Variants in DMTN observed in about 807,000 individuals in gnomAD.
The protein encoded by DMTN is dematin.
In DMTN, 27 loss-of-function variants were observed where a neutral mutation model predicts 59.4. The ratio of observed to expected loss-of-function variants is 0.45; its 90% CI spans 0.33 to 0.63. The LOEUF (loss-of-function observed/expected upper bound fraction) is 0.63, where lower values mean the gene tolerates loss of function less well. DMTN is among the 20% of genes least tolerant of loss of function. DMTN has a pLI of 0.02. For synonymous variants in DMTN, 221 were observed against 203.7 expected, an observed-to-expected ratio of 1.08 and a Z score of -0.72; for missense variants, 451 against 528.9, an observed-to-expected ratio of 0.85 and a Z score of 1.45.
At chr8:22,059,708 C>T (rs748674327) in intron 1 of DMTN, among the ~76,000 whole-genome samples, 17 of 152,138 alleles carry the variant, frequency 1.1e-4, no homozygotes, top group East Asian at 5.8e-4. Flanking sequence ...GGTTTAGAGA[C>T]GATGTATGAA....
rs201457271 is a variant in DMTN, at chr8:22,075,186, CAAAAA to C, written c.835+1361_835+1365del. 4.2e-4 allele frequency among the ~76,000 whole-genome samples: 55 copies of C among 131,320 alleles called. No homozygotes were observed. In the East Asian group the frequency reaches 0.012, roughly 28 times the overall value. The allele number at this position is 131,320 out of a possible 152,430, so 86.2% of individuals were successfully genotyped here. ...TAGGGAACAGCGTGAGACTCTGTCT[CAAAAA>C]AAAAAAAAAGAAAAAAGCCTAAGAG... is the stretch of plus-strand genomic sequence containing the variant. On this transcript the variant is annotated intron_variant, in intron 10 of 15. Transcript: ENST00000358242.
chr8:22,067,242 G>T (rs1431611044), intron 3 of DMTN, 83 bp downstream of exon 3: 3 of 1,449,254 alleles, frequency 2.1e-6, no homozygotes, highest in Non-Finnish European at 2.8e-6. Flanking sequence ...GTGCCTTCCC[G>T]CAGAGCCTCC....
chr8:22,081,308 C>A (rs1217423535), intron 15 of DMTN, 42 bp from the exon 16 acceptor site: 1 of 1,600,942 alleles, frequency 6.2e-7, no homozygotes, highest in Non-Finnish European at 8.6e-7. Flanking sequence ...GGGCACAGCC[C>A]CCTCCCCCTC....
At chr8:22,055,765 C>T (rs12550817), upstream of DMTN, among the ~76,000 whole-genome samples, 4 of 151,968 alleles carry the variant, frequency 2.6e-5, no homozygotes, top group Non-Finnish European at 5.9e-5. Flanking sequence ...TTACTGTCCT[C>T]TCTGTCCCCA....
Position 22,081,351 on chromosome 8 carries a change from G to C in DMTN, c.1106G>C (p.Arg369Thr). 1 of 1,613,948 alleles carries C rather than the reference G, an allele frequency of 6.2e-7. No homozygotes were observed. Among genetic ancestry groups the C allele is most frequent in the South Asian group, 1.1e-5 (1 of 91,086 alleles). The change falls in exon 16 of 16, where the codon AGG (arginine) becomes ACG (threonine). Residue 369 changes from arginine to threonine, a missense_variant and splice_region_variant. Coordinates refer to ENST00000358242, the MANE Select transcript of DMTN (RefSeq NM_001387751.1). ...PPGVDRMRLERHLSAEDFSRV... is the reference protein window; with the variant it reads ...PPGVDRMRLETHLSAEDFSRV... ...AGCTGCCCCGATTCCCCCATGTAGA[G>C]GCATCTGTCTGCCGAGGACTTCTCA... is the stretch of plus-strand genomic sequence containing the variant.
chr8:22,063,255 G>A (rs1807973921), intron 1 of DMTN, among the ~76,000 whole-genome samples: 1 of 152,072 alleles, frequency 6.6e-6, no homozygotes, highest in South Asian at 2.1e-4. Flanking sequence ...TGCCTCTAGG[G>A]TTTCTCCCAT....
rs1823563369 is a variant in DMTN, at chr8:22,080,611, C to T, written c.950-7C>T. On this transcript the variant is annotated splice_region_variant and splice_polypyrimidine_tract_variant and intron_variant, in intron 12 of 15. Transcript: ENST00000358242. ...TGCATCTGACCCATGCCCCTTCTCT[C>T]CCGCAGGCCTGCAGGTGAGTGCCTC... 1 of 1,608,610 alleles carries T rather than the reference C, an allele frequency of 6.2e-7. No homozygotes were observed. Among genetic ancestry groups the T allele is most frequent in the Non-Finnish European group, 8.5e-7 (1 of 1,177,426 alleles).
intron 14 of DMTN, 70 bp from the exon 15 acceptor site, chr8:22,081,043 G>T: frequency 6.5e-7 from 1 of 1,537,460 alleles, no homozygotes. Flanking sequence ...GCAGGTTGAT[G>T]TGGGAGGCCT....
intron 10 of DMTN, 26 bp from the exon 11 acceptor site, chr8:22,080,154 A>C (rs1234728530): frequency 6.2e-7 from 1 of 1,613,738 alleles, no homozygotes; most frequent in East Asian, 2.2e-5. Flanking sequence ...AAGGGACTGA[A>C]CTCAGGACCT....
chr8:22,080,570 C>T lies in DMTN; in HGVS notation c.950-48C>T, dbSNP rs554614705. The T allele has an allele frequency of 8.1e-6, 13 of 1,613,042 alleles. No individual in the cohort carries two copies. The African/African-American group carries it at 1.6e-4, about 20-fold the overall frequency. On this transcript the variant is annotated intron_variant, in intron 12 of 15. Coordinates refer to ENST00000358242, the MANE Select transcript of DMTN (RefSeq NM_001387751.1). The stretch of plus-strand genomic sequence containing the variant: ...GTCTGGTGAGGTCAGGCGTGTTGGC[C>T]TGCTGACCTCAGAGCTGCATCTGAC...
chr8:22,070,731 C>T (rs1463116815), intron 8 of DMTN, among the ~76,000 whole-genome samples: 2 of 152,158 alleles, frequency 1.3e-5, no homozygotes, highest in South Asian at 2.1e-4. Flanking sequence ...TGGTTACCTG[C>T]ATAGATTGCA....
At position 22,067,201 on chromosome 8, in the gene DMTN, G is replaced by A. The variant is rs200931926; in HGVS notation, c.93+42G>A. 27 of 1,588,890 alleles carry A rather than the reference G, an allele frequency of 1.7e-5. No individual in the cohort carries two copies. The African/African-American group carries it at 2.6e-4, about 15-fold the overall frequency. ...GCCACCAGCAACCCCTGGCTGGGAGGGGGGAGGGTGGGGGACCCCTGGCTG... is the reference window on the plus strand; with the variant it reads ...GCCACCAGCAACCCCTGGCTGGGAGAGGGGAGGGTGGGGGACCCCTGGCTG... On this transcript the variant is annotated intron_variant, in intron 3 of 15. Transcript: ENST00000358242.
upstream of DMTN, among the ~76,000 whole-genome samples, chr8:22,050,026 G>T (rs1051980359): frequency 6.6e-6 from 1 of 152,156 alleles, no homozygotes; most frequent in Admixed American, 6.5e-5. Flanking sequence ...CCAAGAGGGA[G>T]GTCCCCGGCC....
intron 14 of DMTN, 21 bp from the exon 15 acceptor site, chr8:22,081,092 T>TGGCGG: frequency 6.5e-7 from 1 of 1,547,318 alleles, no homozygotes; most frequent in Non-Finnish European, 8.9e-7. Flanking sequence ...AGCCTAAGAT[T>TGGCGG]GCCCCTCCCC....
chr8:22,050,427 G>C (rs186369727), upstream of DMTN, among the ~76,000 whole-genome samples: 14 of 152,218 alleles, frequency 9.2e-5, no homozygotes, highest in African/African-American at 3.1e-4. Context: ...CCGGCTCTCC[G>C]GCCCACCCCT....
At chr8:22,072,222 T>G in intron 8 of DMTN, 104 bp from the exon 9 acceptor site, 1 of 1,385,188 alleles carries the variant, frequency 7.2e-7, no homozygotes, top group Non-Finnish European at 9.4e-7. Context: ...TGTAGTGGCC[T>G]TATCAAGGTC....
At chr8:22,074,541 T>C (rs1007636172) in intron 10 of DMTN, among the ~76,000 whole-genome samples, 1 of 152,170 alleles carries the variant, frequency 6.6e-6, no homozygotes, top group African/African-American at 2.4e-5. Flanking sequence ...TCCCAAACTG[T>C]TGGGATTATA....
At chr8:22,073,616 G>A (rs1817372123) in intron 9 of DMTN, 114 bp from the exon 10 acceptor site, 2 of 794,318 alleles carry the variant, frequency 2.5e-6, no homozygotes, top group African/African-American at 2.0e-5. Flanking sequence ...GGGTGACAGA[G>A]TGAGACCCTG....
In DMTN at chr8:22,066,873, T is replaced by C. The variant is rs1463808047; in HGVS notation, c.-3T>C. 1.5e-6 allele frequency: 2 copies of C among 1,350,316 alleles called. No individual in the cohort carries two copies. Among genetic ancestry groups the C allele is most frequent in the Non-Finnish European group, 1.9e-6 (2 of 1,048,176 alleles). The allele number at this position is 1,350,316 out of a possible 1,614,324, so 83.6% of individuals were successfully genotyped here. A position where few individuals can be genotyped will look rare whatever the true frequency, so the allele number is the denominator to read the frequency against. ...GTGACCCGGCGGGCGAGCTCCGTGC[T>C]GCATGGAACGGCTGCAGAAGGTGCG... On this transcript the variant is annotated 5_prime_UTR_variant, in exon 2 of 16. Transcript: ENST00000358242.
Sources: gnomAD v4.1 joint callset for allele counts (sites outside exome capture counted in the v4.1 genomes callset) on GRCh38, gnomAD v4.1.1 for gene constraint, MANE v1.5 for transcripts, NCBI Gene and HGNC (gene_info 2026-07-23, HGNC 2026-07-21) for gene names.